NR1I2: variants seen among roughly 807,000 people sequenced by gnomAD.
The protein encoded by NR1I2 is nuclear receptor subfamily 1 group I member 2.
A neutral mutation model predicts 43.3 loss-of-function variants in NR1I2; 42 were observed. That is an observed-to-expected ratio of 0.97 (90% CI 0.76 to 1.26). The LOEUF (loss-of-function observed/expected upper bound fraction) is 1.26, where lower values mean the gene tolerates loss of function less well. Among genes scored for constraint, NR1I2 ranks in the 50% most tolerant of loss-of-function variants. The probability of loss-of-function intolerance (pLI) is 0.00; values close to 1 mark genes in which losing one functional copy is unlikely to be tolerated. For synonymous variants in NR1I2, 229 were observed against 215.0 expected (o/e 1.06, Z -0.57); for missense variants, 559 against 566.7 (o/e 0.99, Z 0.14).
At chr3:119,815,245 A>C in intron 6 of NR1I2, 78 bp from the exon 7 acceptor site, 1 of 1,571,588 alleles carries the variant, frequency 6.4e-7, no homozygotes, top group Non-Finnish European at 8.8e-7. Flanking sequence ...ATGGTGGAAA[A>C]CAAGATATTG....
chr3:119,783,132 A>T (rs937076176), intron 1 of NR1I2, among the ~76,000 whole-genome samples: 2 of 151,758 alleles, frequency 1.3e-5, no homozygotes, highest in Non-Finnish European at 2.9e-5. Context: ...AAAGGATGCT[A>T]AGGGAGGCCT....
chr3:119,789,338 A>G (rs111748353), intron 1 of NR1I2, among the ~76,000 whole-genome samples: 2,142 of 152,326 alleles, frequency 0.014, 61 homozygotes, highest in African/African-American at 0.047. Flanking sequence ...ACAAAGAAAA[A>G]AAGGTTCAAT....
At chr3:119,788,842 A>G (rs1411067587) in intron 1 of NR1I2, among the ~76,000 whole-genome samples, 6 of 152,176 alleles carry the variant, frequency 3.9e-5, no homozygotes, top group African/African-American at 1.4e-4. Context: ...TATTGACAAG[A>G]TCATCTTCTC....
chr3:119,783,627 T>C (rs2054807211), intron 1 of NR1I2, among the ~76,000 whole-genome samples: 1 of 152,228 alleles, frequency 6.6e-6, no homozygotes, highest in Non-Finnish European at 1.5e-5. Context: ...TTTTAGGTAA[T>C]AACTTTTTAA....
At chr3:119,815,536 G>A (rs1025649068) in intron 7 of NR1I2, 97 bp downstream of exon 7, 31 of 1,158,066 alleles carry the variant, frequency 2.7e-5, no homozygotes, top group South Asian at 5.0e-5. Flanking sequence ...CATTCACTGC[G>A]CAGCCAGGAT....
intron 2 of NR1I2, 66 bp from the exon 3 acceptor site, chr3:119,809,995 C>G (rs1354563288): frequency 1.9e-6 from 3 of 1,606,366 alleles, no homozygotes; most frequent in Non-Finnish European, 1.7e-6. Flanking sequence ...GTGGTATGGC[C>G]CGGAGCCCCA....
intron 1 of NR1I2, among the ~76,000 whole-genome samples, chr3:119,804,662 T>C (rs927167426): frequency 3.3e-5 from 5 of 151,860 alleles, no homozygotes; most frequent in African/African-American, 1.2e-4. Context: ...GCCAGGCTGG[T>C]CTCTAACTCC....
In NR1I2 at chr3:119,817,462, G is replaced by A. The variant is rs2055347035; in HGVS notation, c.*250G>A. 19 of 1,361,810 alleles carry A rather than the reference G, an allele frequency of 1.4e-5. No individual in the cohort carries two copies. The South Asian group carries it at 2.4e-4, about 17-fold the overall frequency. The allele number at this position is 1,361,810 out of a possible 1,614,324, so 84.4% of individuals were successfully genotyped here. A position where few individuals can be genotyped will look rare whatever the true frequency, so the allele number is the denominator to read the frequency against. ...ACGTGGAGAGTGCACTGACCTGTAG[G>A]TCAGGACCATCAGAGAGGCAAGGTT... On this transcript the variant is annotated 3_prime_UTR_variant, in exon 9 of 9. Coordinates refer to ENST00000393716, the MANE Select transcript of NR1I2 (RefSeq NM_003889.4).
At chr3:119,801,063 G>C (rs2055072810) in intron 1 of NR1I2, among the ~76,000 whole-genome samples, 1 of 152,216 alleles carries the variant, frequency 6.6e-6, no homozygotes, top group Non-Finnish European at 1.5e-5. Flanking sequence ...CTGAAGAGGA[G>C]AGGGGCTGTG....
At chr3:119,804,951 T>C (rs1382435815) in intron 1 of NR1I2, among the ~76,000 whole-genome samples, 1 of 152,198 alleles carries the variant, frequency 6.6e-6, no homozygotes, top group East Asian at 1.9e-4. Flanking sequence ...AAATCTAAGA[T>C]TTACCATCTT....
In NR1I2 at chr3:119,807,433, C is replaced by A. The variant is rs1353209173; in HGVS notation, c.183C>A (p.Cys61Ter). The change falls in exon 2 of 9, where the codon TGC becomes TGA. Residue 61 changes from cysteine (C) to a stop codon, truncating the protein, a stop_gained. Transcript: ENST00000393716. LOFTEE classifies it high-confidence loss of function. ...TCAATGTCATGACATGTGAAGGATG[C>A]AAGGGCTTTTTCAGGTAGAGTTACC... is the stretch of plus-strand genomic sequence containing the variant. 10 of 1,613,596 alleles carry A rather than the reference C, an allele frequency of 6.2e-6. No homozygotes were observed. The African/African-American group carries it at 1.1e-4, about 17-fold the overall frequency.
At chr3:119,791,114 CAG>C (rs1474806841) in intron 1 of NR1I2, among the ~76,000 whole-genome samples, 1 of 152,210 alleles carries the variant, frequency 6.6e-6, no homozygotes, top group Non-Finnish European at 1.5e-5. Context: ...GGCAGCAGTC[CAG>C]CCAGCAGACC....
At position 119,811,557 on chromosome 3, in the gene NR1I2, C is replaced by A; in HGVS notation, c.350C>A (p.Ala117Asp). Residue 117 changes from alanine to aspartate, a missense_variant, in exon 4 of 9, where the codon GCC becomes GAC. By Grantham distance (126) the Ala-to-Asp change is moderately radical. Coordinates refer to ENST00000393716, the MANE Select transcript of NR1I2 (RefSeq NM_003889.4). Reference sequence around the variant, plus strand: ...CCTGCAGTGATCATGTCCGACGAGGCCGTGGAGGAGAGGCGGGCCTTGATC... The same window carrying A: ...CCTGCAGTGATCATGTCCGACGAGGACGTGGAGGAGAGGCGGGCCTTGATC... The A allele has an allele frequency of 1.2e-6, 2 of 1,613,402 alleles. No individual in the cohort carries two copies. Among genetic ancestry groups the A allele is most frequent in the African/African-American group, 1.3e-5 (1 of 75,024 alleles).
At chr3:119,811,790 G>C in intron 4 of NR1I2, 64 bp downstream of exon 4, 1 of 1,459,644 alleles carries the variant, frequency 6.9e-7, no homozygotes. Context: ...TAGAAACTGA[G>C]GTTCCCCAAG....
chr3:119,805,082 G>A (rs541697855), intron 1 of NR1I2, among the ~76,000 whole-genome samples: 4 of 152,020 alleles, frequency 2.6e-5, no homozygotes, highest in Admixed American at 2.0e-4. Flanking sequence ...TGTTTATTCC[G>A]ATTTTTACAG....
At position 119,815,750 on chromosome 3, in the gene NR1I2, G is replaced by T; in HGVS notation, c.1079G>T (p.Arg360Leu). The T allele has an allele frequency of 6.2e-7, 1 of 1,613,622 alleles. No homozygotes were observed. Reference sequence around the variant, plus strand: ...GACCGCCCAGGTGTGCTGCAGCACCGCGTGGTGGACCAGCTGCAGGAGCAA... The same window carrying T: ...GACCGCCCAGGTGTGCTGCAGCACCTCGTGGTGGACCAGCTGCAGGAGCAA... The change falls in exon 8 of 9, where the codon CGC (arginine) becomes CTC (leucine). Residue 360 changes from arginine to leucine, a missense_variant. This residue lies in a region of NR1I2 where 323 missense variants were observed against 312.2 expected (regional missense o/e 1.03). Transcript: ENST00000393716.
Position 119,818,084 on chromosome 3 carries a change from C to T in NR1I2, c.*872C>T. Reference sequence around the variant, plus strand: ...GTACCCAAGTGAAGGTTCCCAAGGACATGAGTCTGTAGGAGCAAGGGCACA... The same window carrying T: ...GTACCCAAGTGAAGGTTCCCAAGGATATGAGTCTGTAGGAGCAAGGGCACA... On this transcript the variant is annotated 3_prime_UTR_variant, in exon 9 of 9. Transcript: ENST00000393716. The T allele has an allele frequency of 1.0e-6, 1 of 985,536 alleles. No individual in the cohort carries two copies. The highest frequency in any genetic ancestry group is 4.7e-5 in the South Asian group (1 of 21,280). The allele number at this position is 985,536 out of a possible 1,614,324, so 61.0% of individuals were successfully genotyped here.
chr3:119,810,802 T>C (rs928557406), intron 3 of NR1I2, among the ~76,000 whole-genome samples: 2 of 152,258 alleles, frequency 1.3e-5, no homozygotes, highest in Non-Finnish European at 2.9e-5. Flanking sequence ...CCAAAGCTGC[T>C]TCTTTCAAGG....
rs779851317 is a variant in NR1I2, at chr3:119,812,814, G to C, written c.648G>C (p.Arg216=). Residue 216 remains arginine, a synonymous_variant, in exon 5 of 9, where the codon CGG becomes CGC. Coordinates refer to ENST00000393716, the MANE Select transcript of NR1I2 (RefSeq NM_003889.4). Reference sequence around the variant, plus strand: ...CTTTGAAGGTCTCTCTGCAGCTGCGGGGGGAGGATGGCAGTGTCTGGAACT... The same window carrying C: ...CTTTGAAGGTCTCTCTGCAGCTGCGCGGGGAGGATGGCAGTGTCTGGAACT... 11 of 1,614,134 alleles carry C rather than the reference G, an allele frequency of 6.8e-6. No individual in the cohort carries two copies. Among genetic ancestry groups the C allele is most frequent in the East Asian group, 2.2e-5 (1 of 44,900 alleles).
Sources: allele counts gnomAD v4.1 joint callset (sites outside exome capture counted in the v4.1 genomes callset), GRCh38; gene constraint gnomAD v4.1.1; regional missense constraint gnomAD v4.1.1; transcripts MANE v1.5; gene names NCBI Gene and HGNC (gene_info 2026-07-23, HGNC 2026-07-21).